Variants in NRXN1 observed in about 807,000 individuals in gnomAD.
NRXN1 encodes the protein neurexin 1, also known as neurexin-1.
NRXN1 carries 39 observed loss-of-function variants against 150.9 expected under a neutral mutation model. The observed-to-expected ratio is 0.26, with a 90% CI of 0.20 to 0.34. The LOEUF is 0.34. Among genes scored for constraint, NRXN1 ranks in the 10% least tolerant of loss-of-function variants. The pLI, the probability that NRXN1 is intolerant of heterozygous loss-of-function variation, is 1.00. For synonymous variants in NRXN1, 924 were observed against 757.0 expected (o/e 1.22, Z -3.62); for missense variants, 1,815 against 1,949.9 (o/e 0.93, Z 1.30).
At chr2:51,004,212 G>T (rs895718630) in intron 2 of NRXN1, among the ~76,000 whole-genome samples, 1 of 151,908 alleles carries the variant, frequency 6.6e-6, no homozygotes, top group Non-Finnish European at 1.5e-5. Flanking sequence ...CACCTGCCAT[G>T]AATAAAATTT....
At chr2:50,828,712 G>A (rs1204381275) in intron 5 of NRXN1, among the ~76,000 whole-genome samples, 1 of 151,884 alleles carries the variant, frequency 6.6e-6, no homozygotes, top group African/African-American at 2.4e-5. Flanking sequence ...AGATGGGATG[G>A]CGGCCGGGCA....
intron 18 of NRXN1, among the ~76,000 whole-genome samples, chr2:50,131,922 A>G (rs1705561197): frequency 1.3e-5 from 2 of 152,170 alleles, no homozygotes; most frequent in South Asian, 4.1e-4. Flanking sequence ...GCTCTATTGA[A>G]CAAGTATGGG....
chr2:50,769,701 A>T (rs2105440563), intron 5 of NRXN1, among the ~76,000 whole-genome samples: 1 of 152,186 alleles, frequency 6.6e-6, no homozygotes, highest in East Asian at 1.9e-4. Flanking sequence ...GCCAAGCCTC[A>T]TTATGATGAT....
chr2:50,273,668 G>A (rs912014524), intron 17 of NRXN1, among the ~76,000 whole-genome samples: 2 of 151,956 alleles, frequency 1.3e-5, no homozygotes, highest in African/African-American at 4.8e-5. Context: ...ATTTAGTCAA[G>A]TATAACCTTA....
chr2:50,404,240 C>T (rs549567848), intron 17 of NRXN1, among the ~76,000 whole-genome samples: 11 of 152,000 alleles, frequency 7.2e-5, no homozygotes, highest in African/African-American at 2.7e-4. Context: ...GGTGAAAAGA[C>T]TTTAATGCCA....
chr2:50,808,619 G>A (rs559726285), intron 5 of NRXN1, among the ~76,000 whole-genome samples: 11 of 151,994 alleles, frequency 7.2e-5, no homozygotes, highest in African/African-American at 2.4e-4. Flanking sequence ...AGCAATTGAG[G>A]GCCCACACAA....
intron 21 of NRXN1, among the ~76,000 whole-genome samples, chr2:49,985,221 A>G (rs1420948637): frequency 6.6e-6 from 1 of 152,218 alleles, no homozygotes; most frequent in Non-Finnish European, 1.5e-5. Flanking sequence ...TCAATGGTCA[A>G]TAAATAGCAG....
chr2:50,492,956 G>A (rs550609016), intron 15 of NRXN1, among the ~76,000 whole-genome samples: 1 of 152,216 alleles, frequency 6.6e-6, no homozygotes, highest in Non-Finnish European at 1.5e-5. Flanking sequence ...TCTCTCAAAT[G>A]ATTACTGCCT....
intron 18 of NRXN1, among the ~76,000 whole-genome samples, chr2:50,179,439 C>T (rs1162757909): frequency 2.0e-5 from 3 of 152,114 alleles, no homozygotes; most frequent in African/African-American, 7.2e-5. Context: ...CAGTAATGGG[C>T]ATGATTTTAT....
intron 5 of NRXN1, among the ~76,000 whole-genome samples, chr2:50,881,206 A>G (rs78762554): frequency 0.074 from 11,228 of 151,962 alleles, 504 homozygotes; most frequent in Middle Eastern, 0.13. Context: ...TATCAGACTG[A>G]TATGTGATCT....
intron 22 of NRXN1, among the ~76,000 whole-genome samples, chr2:49,927,089 C>A (rs996584155): frequency 6.6e-6 from 1 of 152,162 alleles, no homozygotes. Context: ...CTTTTTGCCT[C>A]ATGGGTTAGC....
intron 18 of NRXN1, among the ~76,000 whole-genome samples, chr2:50,173,284 T>C (rs2060141831): frequency 6.6e-6 from 1 of 152,172 alleles, no homozygotes; most frequent in South Asian, 2.1e-4. Flanking sequence ...TGAAAGCAAC[T>C]TAAGTCTCAT....
intron 9 of NRXN1, chr2:50,551,295 C>G (rs1667503197): frequency 1.3e-5 from 2 of 152,214 alleles, no homozygotes; most frequent in African/African-American, 4.8e-5. Flanking sequence ...CACTCACTCC[C>G]AACTCCTTCT....
intron 17 of NRXN1, among the ~76,000 whole-genome samples, chr2:50,424,996 T>A (rs2104305173): frequency 6.6e-6 from 1 of 152,228 alleles, no homozygotes; most frequent in Non-Finnish European, 1.5e-5. Context: ...TCTCAACTAT[T>A]TAAAAACAAG....
At chr2:50,777,214 A>T (rs1015468472) in intron 5 of NRXN1, among the ~76,000 whole-genome samples, 2 of 152,144 alleles carry the variant, frequency 1.3e-5, no homozygotes, top group African/African-American at 4.8e-5. Context: ...GGCCAAAAAA[A>T]GCCTCCAAGG....
chr2:50,417,967 G>A (rs866844669), intron 17 of NRXN1, among the ~76,000 whole-genome samples: 2 of 151,876 alleles, frequency 1.3e-5, no homozygotes, highest in African/African-American at 2.4e-5. Flanking sequence ...GTGGAGGAAC[G>A]GAGTACTGAG....
chr2:50,468,441 G>A (rs1178944341), intron 16 of NRXN1, among the ~76,000 whole-genome samples: 1 of 151,490 alleles, frequency 6.6e-6, no homozygotes, highest in South Asian at 2.1e-4. Context: ...TCACCTTCTA[G>A]ACAATACTTA....
chr2:50,150,940 T>A (rs900211952), intron 18 of NRXN1, among the ~76,000 whole-genome samples: 8 of 151,688 alleles, frequency 5.3e-5, no homozygotes, highest in African/African-American at 1.9e-4. Flanking sequence ...GAGCCAAGTG[T>A]CTATTCCCAT....
chr2:50,620,790 C>T (rs1679873645), intron 7 of NRXN1, among the ~76,000 whole-genome samples: 1 of 151,948 alleles, frequency 6.6e-6, no homozygotes, highest in Admixed American at 6.6e-5. Context: ...ACAGGGAGAA[C>T]CAAAGGAAAA....
Sources: gnomAD v4.1 joint callset for allele counts (sites outside exome capture counted in the v4.1 genomes callset) on GRCh38, gnomAD v4.1.1 for gene constraint, MANE v1.5 for transcripts, NCBI Gene and HGNC (gene_info 2026-07-23, HGNC 2026-07-21) for gene names.